Variants in LRRN2 observed in about 807,000 individuals in gnomAD.
The protein encoded by LRRN2 is leucine-rich repeat neuronal protein 2.
LRRN2 carries 10 observed loss-of-function variants against 35.7 expected under a neutral mutation model. That is an observed-to-expected ratio of 0.28 (90% CI 0.17 to 0.47). LRRN2 has a LOEUF of 0.47. Ranked by LOEUF, LRRN2 falls within the 20% of genes least tolerant of loss-of-function variation. The pLI is 0.99. For missense variants in LRRN2, 731 were observed against 940.3 expected (o/e 0.78, Z 2.91); for synonymous variants, 391 against 409.6 (o/e 0.95, Z 0.55).
chr1:204,631,867 C>A (rs532085687), intron 1 of LRRN2, among the ~76,000 whole-genome samples: 1 of 152,094 alleles, frequency 6.6e-6, no homozygotes, highest in African/African-American at 2.4e-5. Context: ...GTTGGAGCAG[C>A]AAGCCAGAGG....
chr1:204,635,190 G>T (rs1346151033), intron 1 of LRRN2, among the ~76,000 whole-genome samples: 6 of 152,122 alleles, frequency 3.9e-5, no homozygotes, highest in Non-Finnish European at 7.4e-5. Context: ...TCTCAACAAG[G>T]ATCTTATTTG....
At chr1:204,625,080 C>T (rs1244066139) in intron 1 of LRRN2, among the ~76,000 whole-genome samples, 1 of 152,242 alleles carries the variant, frequency 6.6e-6, no homozygotes, top group African/African-American at 2.4e-5. Context: ...GAGGAGACCT[C>T]AGCCTCAGCG....
intron 1 of LRRN2, among the ~76,000 whole-genome samples, chr1:204,638,114 G>A (rs540661965): frequency 1.2e-3 from 93 of 74,552 alleles, no homozygotes; most frequent in South Asian, 0.011. Context: ...CCCACCCCCC[G>A]CCCCGAACAT....
Position 204,617,828 on chromosome 1 carries a change from T to C in LRRN2, c.*23A>G. 6.2e-7 allele frequency: 1 copy of C among 1,612,888 alleles called. No individual in the cohort carries two copies. The highest frequency in any genetic ancestry group is 8.5e-7 in the Non-Finnish European group (1 of 1,178,992). ...TAAAAAGTAGTCCTAGTGATTTCTCTACTGCTGAGAACAGGCTGAGCTTCA... is the reference window on the plus strand; with the variant it reads ...TAAAAAGTAGTCCTAGTGATTTCTCCACTGCTGAGAACAGGCTGAGCTTCA... On this transcript the variant is annotated 3_prime_UTR_variant, in exon 2 of 2. Transcript: ENST00000367177.
intron 1 of LRRN2, among the ~76,000 whole-genome samples, chr1:204,636,408 C>T (rs1667834990): frequency 2.0e-5 from 3 of 152,236 alleles, no homozygotes; most frequent in African/African-American, 7.2e-5. Flanking sequence ...TCAACTCTGG[C>T]TGCACCATAG....
Position 204,618,756 on chromosome 1 carries a change from A to G in LRRN2, c.1237T>C (p.Phe413Leu). Reference sequence around the variant, plus strand: ...AAACAGTGGTCCGTCATCTCCCGGAAGGGCACCTCACGGACCGGGAGGCGC... The same window carrying G: ...AAACAGTGGTCCGTCATCTCCCGGAGGGGCACCTCACGGACCGGGAGGCGC... ...LQRLPVREVP[F>L]REMTDHCLPL... Residue 413 changes from phenylalanine to leucine, a missense_variant, in exon 2 of 2, where the codon TTC becomes CTC. Phe to Leu is a conservative substitution (Grantham distance 22, BLOSUM62 0). This residue lies in a region of LRRN2 where 256 missense variants were observed against 392.4 expected (regional missense o/e 0.65). Transcript: ENST00000367177. 1.2e-6 allele frequency: 2 copies of G among 1,612,656 alleles called. No homozygotes were observed. The highest frequency in any genetic ancestry group is 1.7e-4 in the Middle Eastern group (1 of 6,052).
chr1:204,619,738 G>T lies in LRRN2; in HGVS notation c.255C>A (p.Asp85Glu), dbSNP rs765256604. ...TGGCCAGGTAGCCCAGCTCACTCTG[G>T]TCCACACGGACAATGCTGTTGCTCT... ...LLQSNSIVRV[D>E]QSELGYLANL... The change falls in exon 2 of 2, where the codon GAC becomes GAA. Residue 85 changes from aspartate (D) to glutamate (E), a missense_variant. Transcript: ENST00000367177. 1.2e-6 allele frequency: 2 copies of T among 1,614,234 alleles called. No individual in the cohort carries two copies. Among genetic ancestry groups the T allele is most frequent in the East Asian group, 2.2e-5 (1 of 44,884 alleles).
At chr1:204,677,606 A>C (rs1442403056) in intron 1 of LRRN2, among the ~76,000 whole-genome samples, 1 of 152,206 alleles carries the variant, frequency 6.6e-6, no homozygotes, top group Non-Finnish European at 1.5e-5. Context: ...AAGCTGCTGC[A>C]GCCTGGGTAG....
chr1:204,676,929 A>G (rs1429012442), intron 1 of LRRN2, among the ~76,000 whole-genome samples: 2 of 152,192 alleles, frequency 1.3e-5, no homozygotes, highest in African/African-American at 4.8e-5. Context: ...CTGGCTGTGC[A>G]TGGCCTCCAG....
At chr1:204,683,982 T>A (rs1669010454) in intron 1 of LRRN2, among the ~76,000 whole-genome samples, 1 of 152,202 alleles carries the variant, frequency 6.6e-6, no homozygotes, top group Admixed American at 6.5e-5. Context: ...CCATGCCCAG[T>A]GCTCTTTTTT....
At chr1:204,673,457 G>A (rs180981940) in intron 1 of LRRN2, among the ~76,000 whole-genome samples, 7 of 152,316 alleles carry the variant, frequency 4.6e-5, no homozygotes, top group Admixed American at 3.3e-4. Flanking sequence ...GAGGCTCAAT[G>A]AGAGACTGAG....
intron 1 of LRRN2, among the ~76,000 whole-genome samples, chr1:204,651,333 G>A (rs1668220029): frequency 1.3e-5 from 2 of 152,218 alleles, no homozygotes; most frequent in South Asian, 2.1e-4. Context: ...CAGAGAAATC[G>A]GCTGAGCCAA....
chr1:204,657,366 A>ACGCG (rs1553349104), intron 1 of LRRN2, among the ~76,000 whole-genome samples: 1 of 151,758 alleles, frequency 6.6e-6, no homozygotes, highest in Non-Finnish European at 1.5e-5. Context: ...ACACACACAC[A>ACGCG]CGCATATATA....
At chr1:204,650,493 C>T in intron 1 of LRRN2, among the ~76,000 whole-genome samples, 1 of 152,020 alleles carries the variant, frequency 6.6e-6, no homozygotes, top group East Asian at 1.9e-4. Context: ...AGGGGTCCTA[C>T]TAGTCTTACC....
Position 204,618,317 on chromosome 1 carries a change from G to T in LRRN2, c.1676C>A (p.Ser559Tyr). ...CTGGCCCCGGAGGGAGGAGGCACTG[G>T]ACCAGGTGAGGTTGGTGGACACTGT... is the stretch of plus-strand genomic sequence containing the variant. ...PNTVSTNLTW[S>Y]SASSLRGQGA... Residue 559 changes from serine (S) to tyrosine (Y), a missense_variant, in exon 2 of 2, where the codon TCC (serine) becomes TAC (tyrosine). Physicochemically the swap from Ser to Tyr is moderately radical, Grantham distance 144. Coordinates refer to ENST00000367177, the MANE Select transcript of LRRN2 (RefSeq NM_201630.2). 1 of 1,594,986 alleles carries T rather than the reference G, an allele frequency of 6.3e-7. No individual in the cohort carries two copies. The highest frequency in any genetic ancestry group is 8.5e-7 in the Non-Finnish European group (1 of 1,170,038).
chr1:204,636,416 T>C (rs917679625), intron 1 of LRRN2, among the ~76,000 whole-genome samples: 1 of 152,192 alleles, frequency 6.6e-6, no homozygotes, highest in East Asian at 1.9e-4. Flanking sequence ...GGCTGCACCA[T>C]AGAATTACAT....
chr1:204,651,252 G>A (rs368787522), intron 1 of LRRN2, among the ~76,000 whole-genome samples: 70 of 152,168 alleles, frequency 4.6e-4, no homozygotes, highest in Admixed American at 1.6e-3. Flanking sequence ...GCTCAGGAGC[G>A]GATCTCCTAG....
chr1:204,670,919 A>G (rs2102239637), intron 1 of LRRN2, among the ~76,000 whole-genome samples: 1 of 152,266 alleles, frequency 6.6e-6, no homozygotes, highest in Admixed American at 6.5e-5. Context: ...GCTTGTACGG[A>G]GAAGAGAGAC....
chr1:204,656,996 T>C (rs1352713415), intron 1 of LRRN2, among the ~76,000 whole-genome samples: 1 of 152,102 alleles, frequency 6.6e-6, no homozygotes, highest in Admixed American at 6.6e-5. Context: ...TACCAACTGA[T>C]AGATGGATAA....
Sources: gnomAD v4.1 joint callset for allele counts (sites outside exome capture counted in the v4.1 genomes callset) on GRCh38, gnomAD v4.1.1 for gene constraint, gnomAD v4.1.1 regional missense constraint, MANE v1.5 for transcripts, NCBI Gene and HGNC (gene_info 2026-07-23, HGNC 2026-07-21) for gene names.